The following ZBTB8OS variants were observed in gnomAD, a reference collection of about 807,000 sequenced individuals.
The protein encoded by ZBTB8OS is tRNA splicing ligase complex subunit 1.
In ZBTB8OS, 16 loss-of-function variants were observed where a neutral mutation model predicts 29.3. The observed-to-expected ratio is 0.55, with a 90% CI of 0.37 to 0.83. The LOEUF (loss-of-function observed/expected upper bound fraction) is 0.83, where lower values mean the gene tolerates loss of function less well. Ranked by LOEUF, ZBTB8OS falls within the 40% of genes least tolerant of loss-of-function variation. ZBTB8OS has a pLI of 0.00. For missense variants in ZBTB8OS, 160 were observed against 196.9 expected (o/e 0.81, Z 1.12); for synonymous variants, 70 against 64.6 (o/e 1.08, Z -0.40).
intron 4 of ZBTB8OS, chr1:32,633,395 G>A (rs1213296986): frequency 2.6e-6 from 1 of 380,608 alleles, no homozygotes. Flanking sequence ...GATGAAAACT[G>A]TAGGTACATT....
In ZBTB8OS at chr1:32,633,946, T is replaced by C; in HGVS notation, c.244+5A>G. The C allele has an allele frequency of 3.8e-6, 6 of 1,566,814 alleles. No homozygotes were observed. The highest frequency in any genetic ancestry group is 5.2e-6 in the Non-Finnish European group (6 of 1,164,564). On this transcript the variant is annotated splice_donor_5th_base_variant and intron_variant, in intron 3 of 6. Coordinates refer to ENST00000468695, the MANE Select transcript of ZBTB8OS (RefSeq NM_178547.5). Reference sequence around the variant, plus strand: ...CAATTTCTTCCTTGTGAATAAATCATTTACCTTGGGTTTCTACTTCTACTG... The same window carrying C: ...CAATTTCTTCCTTGTGAATAAATCACTTACCTTGGGTTTCTACTTCTACTG...
chr1:32,650,350 G>T, intron 1 of ZBTB8OS, 83 bp downstream of exon 1: 1 of 1,566,770 alleles, frequency 6.4e-7, no homozygotes, highest in Non-Finnish European at 8.7e-7. Flanking sequence ...GGGCACAGTA[G>T]AAAGAGCAGC....
chr1:32,646,691 T>A (rs1259768695), intron 1 of ZBTB8OS, among the ~76,000 whole-genome samples: 1 of 151,610 alleles, frequency 6.6e-6, no homozygotes, highest in Non-Finnish European at 1.5e-5. Context: ...TATTTTAAAA[T>A]CTCAGTGGAC....
intron 6 of ZBTB8OS, among the ~76,000 whole-genome samples, chr1:32,623,351 A>T (rs1286503001): frequency 1.3e-5 from 2 of 152,154 alleles, no homozygotes; most frequent in East Asian, 3.8e-4. Flanking sequence ...CTCGCAGTAA[A>T]ATCTTACAAT....
chr1:32,623,646 G>A (rs1644897101), intron 6 of ZBTB8OS, among the ~76,000 whole-genome samples: 1 of 152,136 alleles, frequency 6.6e-6, no homozygotes, highest in South Asian at 2.1e-4. Flanking sequence ...TTTTACCAAA[G>A]AGGCTGTGGC....
intron 5 of ZBTB8OS, among the ~76,000 whole-genome samples, chr1:32,628,808 C>T (rs538783648): frequency 2.0e-5 from 3 of 151,840 alleles, no homozygotes; most frequent in South Asian, 4.2e-4. Context: ...TGGTTCCATG[C>T]GCCCGTGGTC....
intron 4 of ZBTB8OS, among the ~76,000 whole-genome samples, chr1:32,632,543 T>C (rs972823608): frequency 6.6e-6 from 1 of 151,956 alleles, no homozygotes; most frequent in South Asian, 2.1e-4. Flanking sequence ...GCCTCTGGAG[T>C]AGCTGGGACC....
chr1:32,646,273 C>T (rs559027347), intron 1 of ZBTB8OS, among the ~76,000 whole-genome samples: 13 of 151,438 alleles, frequency 8.6e-5, no homozygotes, highest in Admixed American at 6.6e-4. Context: ...GAGTCAAAGT[C>T]GCACCACTGC....
chr1:32,647,025 G>T (rs1646890684), intron 1 of ZBTB8OS, among the ~76,000 whole-genome samples: 1 of 91,468 alleles, frequency 1.1e-5, no homozygotes, highest in Non-Finnish European at 2.0e-5. Context: ...CTGGGAGACA[G>T]AGCAAGATAC....
Position 32,650,534 on chromosome 1 carries a change from G to A in ZBTB8OS, c.-5C>T, listed in dbSNP as rs150198286. ...ATCTTCCTCTTCCTGCGCCATGACT[G>A]CAGGATTAGACACTCTACTTCCGCC... On this transcript the variant is annotated 5_prime_UTR_variant, in exon 1 of 7. Coordinates refer to ENST00000468695, the MANE Select transcript of ZBTB8OS (RefSeq NM_178547.5). 3.3e-5 allele frequency: 53 copies of A among 1,614,102 alleles called. No individual in the cohort carries two copies. In the African/African-American group the frequency reaches 5.7e-4, roughly 17 times the overall value.
intron 6 of ZBTB8OS, 66 bp from the exon 7 acceptor site, chr1:32,622,014 ACT>A: frequency 8.8e-7 from 1 of 1,141,658 alleles, no homozygotes. Flanking sequence ...ATAATCATTA[ACT>A]CTAGCAACAA....
intron 4 of ZBTB8OS, chr1:32,633,271 C>A: frequency 5.5e-6 from 1 of 183,280 alleles, no homozygotes; most frequent in Non-Finnish European, 1.1e-5. Flanking sequence ...CCTGTAATCC[C>A]AGCACTTTGC....
At chr1:32,650,728 T>A, upstream of ZBTB8OS, 6 of 867,340 alleles carry the variant, frequency 6.9e-6, no homozygotes, top group Non-Finnish European at 1.1e-5. Context: ...CCCCATCTTC[T>A]GCGATTCCTT....
intron 6 of ZBTB8OS, among the ~76,000 whole-genome samples, chr1:32,623,936 T>C (rs1021551978): frequency 5.3e-5 from 8 of 152,128 alleles, no homozygotes; most frequent in East Asian, 1.9e-4. Flanking sequence ...GTGGAGATCA[T>C]TGAATCACGG....
intron 6 of ZBTB8OS, among the ~76,000 whole-genome samples, chr1:32,625,874 CTTT>C (rs756322138): frequency 2.1e-5 from 3 of 142,918 alleles, no homozygotes; most frequent in African/African-American, 7.7e-5. Flanking sequence ...AATGCTGTTT[CTTT>C]TTTTTTTTTT....
chr1:32,640,566 G>A (rs1646317130), intron 1 of ZBTB8OS, among the ~76,000 whole-genome samples: 1 of 152,142 alleles, frequency 6.6e-6, no homozygotes, highest in Non-Finnish European at 1.5e-5. Context: ...CCAGGCTGAA[G>A]TGCAGTGGCA....
chr1:32,634,256 T>C, intron 2 of ZBTB8OS, 184 bp from the exon 3 acceptor site: 1 of 431,750 alleles, frequency 2.3e-6, no homozygotes, highest in Non-Finnish European at 3.8e-6. Flanking sequence ...AGACTGAGTC[T>C]CACTCTGTTG....
chr1:32,641,252 C>A (rs1054771285), intron 1 of ZBTB8OS, among the ~76,000 whole-genome samples: 1 of 147,242 alleles, frequency 6.8e-6, no homozygotes, highest in African/African-American at 2.5e-5. Context: ...CAGCTCACAA[C>A]TCAATTACAC....
At chr1:32,650,899 G>T, upstream of ZBTB8OS, 1 of 468,842 alleles carries the variant, frequency 2.1e-6, no homozygotes, top group Non-Finnish European at 3.8e-6. Context: ...ACTCTGAAAG[G>T]GTCGTAAGCT....
Sources: gnomAD v4.1 joint callset for allele counts (sites outside exome capture counted in the v4.1 genomes callset) on GRCh38, gnomAD v4.1.1 for gene constraint, MANE v1.5 for transcripts, NCBI Gene and HGNC (gene_info 2026-07-23, HGNC 2026-07-21) for gene names.